The following EML6 variants were observed in gnomAD, a reference collection of about 807,000 sequenced individuals.
EML6 encodes echinoderm microtubule-associated protein-like 6.
In EML6, 154 loss-of-function variants were observed where a neutral mutation model predicts 240.1. That is an observed-to-expected ratio of 0.64 (90% confidence interval 0.56 to 0.73). The LOEUF (loss-of-function observed/expected upper bound fraction) is 0.73, where lower values mean the gene tolerates loss of function less well. Ranked by LOEUF, EML6 falls within the 30% of genes least tolerant of loss-of-function variation. The pLI, the probability that EML6 is intolerant of heterozygous loss-of-function variation, is 0.00. For synonymous variants in EML6, 1,148 were observed against 899.0 expected, an observed-to-expected ratio of 1.28 and a Z score of -4.95; for missense variants, 2,964 against 2,474.6, an observed-to-expected ratio of 1.20 and a Z score of -4.20.
At chr2:54,815,862 AG>A (rs1234933159) in intron 3 of EML6, among the ~76,000 whole-genome samples, 1 of 152,198 alleles carries the variant, frequency 6.6e-6, no homozygotes, top group East Asian at 1.9e-4. Flanking sequence ...GAATGTACTC[AG>A]TACTCACACA....
chr2:54,894,237 A>G (rs569071504), intron 19 of EML6, among the ~76,000 whole-genome samples: 7 of 151,932 alleles, frequency 4.6e-5, no homozygotes, highest in South Asian at 2.1e-4. Flanking sequence ...CAGTTGGTAT[A>G]TATAATAAAT....
Position 54,849,987 on chromosome 2 carries a change from A to C in EML6, c.1213A>C (p.Lys405Gln). Residue 405 changes from lysine to glutamine, a missense_variant, in exon 10 of 42, where the codon AAA becomes CAA. Lys to Gln is a moderately conservative substitution (Grantham distance 53). Coordinates refer to ENST00000356458, the MANE Select transcript of EML6 (RefSeq NM_001039753.4). ...AGATATGACAGAAGTAGTTCACATC[A>C]AAGATCGAAAAGAAGTCATTCATGA... ...VRDMTEVVHI[K>Q]DRKEVIHEMK... The C allele has an allele frequency of 6.4e-7, 1 of 1,551,474 alleles. No homozygotes were observed. Among genetic ancestry groups the C allele is most frequent in the Non-Finnish European group, 8.7e-7 (1 of 1,146,796 alleles).
At chr2:54,901,834 A>T (rs1233117659) in intron 22 of EML6, among the ~76,000 whole-genome samples, 1 of 152,208 alleles carries the variant, frequency 6.6e-6, no homozygotes, top group Non-Finnish European at 1.5e-5. Flanking sequence ...GCTCGACAAT[A>T]AGAATGGTGG....
intron 2 of EML6, among the ~76,000 whole-genome samples, chr2:54,730,896 C>T (rs1203826744): frequency 1.3e-5 from 2 of 152,096 alleles, no homozygotes; most frequent in African/African-American, 4.8e-5. Flanking sequence ...TCTGCCGCCT[C>T]GAAGCTTACT....
rs1488039095 is a variant in EML6, at chr2:54,908,993, C to T, written c.3410-1961C>T. On this transcript the variant is annotated intron_variant, in intron 24 of 41. Transcript: ENST00000356458. ...GTACTTGTCTATGTGTTTAGATTCT[C>T]GAATATTTTTGCAATCATAAATTAC... 3.3e-5 allele frequency among the ~76,000 whole-genome samples: 5 copies of T among 152,142 alleles called. No homozygotes were observed. The South Asian group carries it at 6.2e-4, about 19-fold the overall frequency.
chr2:54,827,545 A>AT, intron 5 of EML6, 21 bp from the exon 6 acceptor site: 1 of 1,543,192 alleles, frequency 6.5e-7, no homozygotes, highest in East Asian at 2.4e-5. Flanking sequence ...TTGGAGATCT[A>AT]TTTTATCACT....
intron 21 of EML6, among the ~76,000 whole-genome samples, chr2:54,897,694 CTT>C (rs5831328): frequency 1.0e-3 from 155 of 147,820 alleles, no homozygotes; most frequent in Middle Eastern, 3.5e-3. Context: ...CATTCTCTCC[CTT>C]TTTTTTTTTT....
At chr2:54,934,245 C>G (rs1573174444) in intron 28 of EML6, among the ~76,000 whole-genome samples, 1 of 152,148 alleles carries the variant, frequency 6.6e-6, no homozygotes, top group East Asian at 1.9e-4. Flanking sequence ...AAAAGTACAG[C>G]TCTCCAAGTG....
intron 2 of EML6, among the ~76,000 whole-genome samples, chr2:54,740,090 T>A (rs1038610945): frequency 6.6e-6 from 1 of 152,084 alleles, no homozygotes; most frequent in African/African-American, 2.4e-5. Flanking sequence ...TGAGTTCAGC[T>A]TTGAACATAT....
intron 32 of EML6, among the ~76,000 whole-genome samples, chr2:54,955,697 G>A (rs993903207): frequency 2.6e-5 from 4 of 152,106 alleles, no homozygotes; most frequent in Non-Finnish European, 5.9e-5. Context: ...GCTCACCCAG[G>A]GTCCCTTCTG....
chr2:54,751,478 T>G (rs1400883999), intron 2 of EML6, among the ~76,000 whole-genome samples: 1 of 152,060 alleles, frequency 6.6e-6, no homozygotes, highest in Non-Finnish European at 1.5e-5. Flanking sequence ...AGGATTAAAT[T>G]AGAGCTTCTG....
chr2:54,747,789 GA>G (rs1313981650), intron 2 of EML6, among the ~76,000 whole-genome samples: 1 of 151,960 alleles, frequency 6.6e-6, no homozygotes, highest in Non-Finnish European at 1.5e-5. Flanking sequence ...ATGAAATTAT[GA>G]AAAAAACTTT....
chr2:54,808,322 G>C (rs1221190341), intron 2 of EML6, among the ~76,000 whole-genome samples: 9 of 152,100 alleles, frequency 5.9e-5, no homozygotes, highest in Non-Finnish European at 1.5e-5. Flanking sequence ...TGCCTTTTCT[G>C]CCTTGCAGAT....
intron 26 of EML6, among the ~76,000 whole-genome samples, chr2:54,917,709 T>C (rs1349697580): frequency 6.6e-6 from 1 of 152,206 alleles, no homozygotes; most frequent in African/African-American, 2.4e-5. Context: ...CATTAAACCA[T>C]TCCATTCCTC....
At chr2:54,828,488 T>C (rs1668706117) in intron 6 of EML6, among the ~76,000 whole-genome samples, 1 of 152,254 alleles carries the variant, frequency 6.6e-6, no homozygotes, top group Non-Finnish European at 1.5e-5. Context: ...TTGGAAATGG[T>C]AAGCCTTTAG....
Position 54,964,639 on chromosome 2 carries a change from C to T in EML6, c.5399C>T (p.Thr1800Ile). ...SEHTVDFYDL[T>I]QGTNLNRIGY... ...CACACAGTTGACTTCTATGACCTCA[C>T]TCAGGGCACAAATCTGAACCGCATT... The change falls in exon 38 of 42, where the codon ACT becomes ATT. Residue 1800 changes from threonine (T) to isoleucine (I), a missense_variant. Thr to Ile is a moderately conservative substitution (Grantham distance 89). Coordinates refer to ENST00000356458, the MANE Select transcript of EML6 (RefSeq NM_001039753.4). 2 of 1,552,404 alleles carry T rather than the reference C, an allele frequency of 1.3e-6. No homozygotes were observed. Among genetic ancestry groups the T allele is most frequent in the Non-Finnish European group, 1.7e-6 (2 of 1,147,120 alleles).
intron 16 of EML6, among the ~76,000 whole-genome samples, chr2:54,878,163 C>T (rs1671607397): frequency 1.3e-5 from 2 of 152,166 alleles, no homozygotes; most frequent in South Asian, 4.1e-4. Context: ...TTACTGCTTA[C>T]CTGAAATGCC....
At chr2:54,871,106 G>A (rs960194282) in intron 15 of EML6, among the ~76,000 whole-genome samples, 4 of 152,192 alleles carry the variant, frequency 2.6e-5, no homozygotes, top group African/African-American at 9.7e-5. Context: ...CTGAGAATGG[G>A]TAAAATAACT....
chr2:54,760,856 G>C (rs241868), intron 2 of EML6, among the ~76,000 whole-genome samples: 1 of 122,886 alleles, frequency 8.1e-6, no homozygotes, highest in African/African-American at 3.4e-5. Flanking sequence ...ACTAGAAAAA[G>C]AATCTGGGAC....
Sources: allele counts gnomAD v4.1 joint callset (sites outside exome capture counted in the v4.1 genomes callset), GRCh38; gene constraint gnomAD v4.1.1; transcripts MANE v1.5; gene names NCBI Gene and HGNC (gene_info 2026-07-23, HGNC 2026-07-21).